The following SRSF5 variants were observed in gnomAD, a reference collection of about 807,000 sequenced individuals.
The protein encoded by SRSF5 is serine and arginine rich splicing factor 5, also known as serine/arginine-rich splicing factor 5.
In SRSF5, 5 loss-of-function variants were observed where a neutral mutation model predicts 34.0. That is an observed-to-expected ratio of 0.15 (90% CI 0.08 to 0.31). The LOEUF (loss-of-function observed/expected upper bound fraction) is 0.31. Ranked by LOEUF, SRSF5 falls within the 10% of genes least tolerant of loss-of-function variation. The pLI is 1.00. For missense variants in SRSF5, 223 were observed against 351.4 expected (o/e 0.63, Z 2.92); for synonymous variants, 164 against 117.7 (o/e 1.39, Z -2.55).
At chr14:69,770,334 C>A in intron 5 of SRSF5, 133 bp from the exon 6 acceptor site, 1 of 1,448,076 alleles carries the variant, frequency 6.9e-7, no homozygotes, top group South Asian at 1.5e-5. Context: ...TGATAGAATA[C>A]AAGTGTGGTA....
Position 69,770,804 on chromosome 14 carries a change from C to T in SRSF5, c.441-191C>T, listed in dbSNP as rs904008640. Reference sequence around the variant, plus strand: ...GCATCCCACGGTGCATAGGGAACCCCCTCAACAATGAATTGGCTCAAAGTA... The same window carrying T: ...GCATCCCACGGTGCATAGGGAACCCTCTCAACAATGAATTGGCTCAAAGTA... On this transcript the variant is annotated intron_variant, in intron 6 of 7. Coordinates refer to ENST00000557154, the MANE Select transcript of SRSF5 (RefSeq NM_001320214.2). The T allele has an allele frequency of 6.1e-6, 4 of 658,850 alleles. 1 individual carries two copies. The East Asian group carries it at 1.1e-4, about 18-fold the overall frequency. The allele number at this position is 658,850 out of a possible 1,614,324, so 40.8% of individuals were successfully genotyped here. A position where few individuals can be genotyped will look rare whatever the true frequency, so the allele number is the denominator to read the frequency against.
Position 69,771,669 on chromosome 14 carries a change from GC to G in SRSF5, c.*210del. The G allele has an allele frequency of 1.7e-6, 1 of 589,252 alleles. No homozygotes were observed. Among genetic ancestry groups the G allele is most frequent in the African/African-American group, 1.9e-5 (1 of 53,764 alleles). 36.5% of individuals were successfully genotyped at this position (589,252 alleles called of 1,614,324 possible). On this transcript the variant is annotated 3_prime_UTR_variant, in exon 8 of 8. Transcript: ENST00000557154. Reference sequence around the variant, plus strand: ...AATTGTATTAAATGTCTTTTGATAAGCCTTCTGCTCACATTTTTGTGAATGT... The same window carrying G: ...AATTGTATTAAATGTCTTTTGATAAGCTTCTGCTCACATTTTTGTGAATGT...
intron 5 of SRSF5, 78 bp from the exon 6 acceptor site, chr14:69,770,386 AGTC>A (rs948976665): frequency 6.4e-7 from 1 of 1,555,556 alleles, no homozygotes; most frequent in African/African-American, 1.4e-5. Context: ...CTCTTTCAGT[AGTC>A]TTGTTTTTTT....
chr14:69,767,563 C>T (rs1321062172), intron 1 of SRSF5: 1 of 455,892 alleles, frequency 2.2e-6, no homozygotes, highest in East Asian at 7.0e-5. Context: ...GCTGGCGATG[C>T]GGCTGGGCCT....
intron 1 of SRSF5, 82 bp from the exon 2 acceptor site, chr14:69,768,056 C>G (rs1882747430): frequency 3.4e-6 from 5 of 1,473,320 alleles, no homozygotes; most frequent in Non-Finnish European, 3.7e-6. Context: ...ACATTTTATG[C>G]CGTTGATGTT....
At chr14:69,768,710 TAGAGC>T in intron 3 of SRSF5, 36 bp downstream of exon 3, 1 of 1,610,908 alleles carries the variant, frequency 6.2e-7, no homozygotes, top group South Asian at 1.1e-5. Context: ...CCCTGGGACA[TAGAGC>T]AGACTGGGTC....
At chr14:69,769,612 T>C (rs568012651) in intron 5 of SRSF5, 3 of 1,535,088 alleles carry the variant, frequency 2.0e-6, no homozygotes, top group East Asian at 2.4e-5. Context: ...GCCAGTCAGC[T>C]CCTACAGTGA....
Position 69,771,817 on chromosome 14 carries a change from A to C in SRSF5, c.*356A>C, listed in dbSNP as rs1883248981. On this transcript the variant is annotated 3_prime_UTR_variant, in exon 8 of 8. Coordinates refer to ENST00000557154, the MANE Select transcript of SRSF5 (RefSeq NM_001320214.2). Reference sequence around the variant, plus strand: ...TTGGTTATAAAAATGTTAATTCAGAATTAGTTTAATGCCTTAATTAAACTA... The same window carrying C: ...TTGGTTATAAAAATGTTAATTCAGACTTAGTTTAATGCCTTAATTAAACTA... 4.7e-6 allele frequency: 1 copy of C among 212,676 alleles called. No individual in the cohort carries two copies. The highest frequency in any genetic ancestry group is 2.4e-5 in the African/African-American group (1 of 42,414). 13.2% of individuals were successfully genotyped at this position (212,676 alleles called of 1,614,324 possible). A position where few individuals can be genotyped will look rare whatever the true frequency, so the allele number is the denominator to read the frequency against.
Position 69,769,263 on chromosome 14 carries a change from TAC to T in SRSF5, c.366+14_366+15del, listed in dbSNP as rs775056379. 3.1e-6 allele frequency: 5 copies of T among 1,614,084 alleles called. No individual in the cohort carries two copies. Among genetic ancestry groups the T allele is most frequent in the South Asian group, 1.1e-5 (1 of 91,066 alleles). On this transcript the variant is annotated intron_variant, in intron 5 of 7. Transcript: ENST00000557154. ...GAGTCAGCTGGCAGGTTTGTTGAAA[TAC>T]AGTTTTGAGTTATTTTGATGTGGCT... is the stretch of plus-strand genomic sequence containing the variant.
chr14:69,767,324 C>T (rs901758593), intron 1 of SRSF5, 69 bp downstream of exon 1: 10 of 449,396 alleles, frequency 2.2e-5, no homozygotes, highest in South Asian at 1.6e-4. Context: ...AGATCGTGAG[C>T]GGCCGGGGCT....
Position 69,767,228 on chromosome 14 carries a change from C to G in SRSF5, c.-47C>G, listed in dbSNP as rs1347898002. On this transcript the variant is annotated 5_prime_UTR_variant, in exon 1 of 8. Transcript: ENST00000557154. ...TCGCAGACTACGGACCTGTCTGGGT[C>G]TCAGCCGCCAAAGACCCCGTCCGGT... The G allele has an allele frequency of 1.6e-5, 6 of 371,726 alleles. No homozygotes were observed. The highest frequency in any genetic ancestry group is 3.1e-5 in the Non-Finnish European group (6 of 192,700). 23.0% of individuals were successfully genotyped at this position (371,726 alleles called of 1,614,324 possible).
chr14:69,767,857 AG>A (rs912979901), intron 1 of SRSF5: 1 of 390,436 alleles, frequency 2.6e-6, no homozygotes, highest in African/African-American at 2.1e-5. Flanking sequence ...GGCAGATGGG[AG>A]GGGGCCGGAG....
At chr14:69,767,613 C>T in intron 1 of SRSF5, 1 of 448,962 alleles carries the variant, frequency 2.2e-6, no homozygotes, top group South Asian at 1.6e-5. Flanking sequence ...AAGGGGGTTG[C>T]TGGGAGGAGA....
chr14:69,771,593 T>C lies in SRSF5; in HGVS notation c.*132T>C. The stretch of plus-strand genomic sequence containing the variant: ...GGTGGGATTTGGAAGGGGGGTTGGG[T>C]TGGGCTGGATATCTTTGTAGATGTG... On this transcript the variant is annotated 3_prime_UTR_variant, in exon 8 of 8. Transcript: ENST00000557154. 1.0e-6 allele frequency: 1 copy of C among 956,824 alleles called. No homozygotes were observed. The highest frequency in any genetic ancestry group is 1.7e-5 in the South Asian group (1 of 60,200). 59.3% of individuals were successfully genotyped at this position (956,824 alleles called of 1,614,324 possible).
At chr14:69,771,167 A>T (rs1245054624) in intron 7 of SRSF5, 27 bp from the exon 8 acceptor site, 2 of 1,613,720 alleles carry the variant, frequency 1.2e-6, no homozygotes, top group African/African-American at 2.7e-5. Context: ...AGTCTTATCT[A>T]GGCTGATTTC....
chr14:69,771,739 C>A lies in SRSF5; in HGVS notation c.*278C>A. 1 of 311,026 alleles carries A rather than the reference C, an allele frequency of 3.2e-6. No individual in the cohort carries two copies. Among genetic ancestry groups the A allele is most frequent in the Non-Finnish European group, 5.9e-6 (1 of 170,078 alleles). 19.3% of individuals were successfully genotyped at this position (311,026 alleles called of 1,614,324 possible). A position where few individuals can be genotyped will look rare whatever the true frequency, so the allele number is the denominator to read the frequency against. On this transcript the variant is annotated 3_prime_UTR_variant, in exon 8 of 8. Coordinates refer to ENST00000557154, the MANE Select transcript of SRSF5 (RefSeq NM_001320214.2). ...GTATATTGACAGAGCTCTTTTATAACTAAAGCAAATTTAATTTTTTTGTAC... is the reference window on the plus strand; with the variant it reads ...GTATATTGACAGAGCTCTTTTATAAATAAAGCAAATTTAATTTTTTTGTAC...
rs1401349147 is a variant in SRSF5, at chr14:69,768,690, A to G, written c.197+16A>G. 1.9e-6 allele frequency: 3 copies of G among 1,613,666 alleles called. No individual in the cohort carries two copies. Among genetic ancestry groups the G allele is most frequent in the Non-Finnish European group, 2.5e-6 (3 of 1,179,632 alleles). The stretch of plus-strand genomic sequence containing the variant: ...GTAGTGAAAGGTGAGATTCCTGTGT[A>G]ACTAGATAACCCTGGGACATAGAGC... On this transcript the variant is annotated intron_variant, in intron 3 of 7. Coordinates refer to ENST00000557154, the MANE Select transcript of SRSF5 (RefSeq NM_001320214.2).
At chr14:69,769,751 C>T in intron 5 of SRSF5, 1 of 1,371,218 alleles carries the variant, frequency 7.3e-7, no homozygotes, top group East Asian at 2.7e-5. Context: ...GACCTGTCTT[C>T]CTGTAACGCT....
rs190190540 is a variant in SRSF5 at position 69,769,603 on chromosome 14, C to G, written c.366+352C>G. ...TCTTGGTTGGGCCTGGTTGACTTTGCCAGTCAGCTCCTACAGTGATCAGTT... is the reference window on the plus strand; with the variant it reads ...TCTTGGTTGGGCCTGGTTGACTTTGGCAGTCAGCTCCTACAGTGATCAGTT... On this transcript the variant is annotated intron_variant, in intron 5 of 7. Transcript: ENST00000557154. The G allele has an allele frequency of 3.3e-5, 50 of 1,535,330 alleles. No homozygotes were observed. In the African/African-American group the frequency reaches 5.5e-4, roughly 17 times the overall value.
Sources: allele counts gnomAD v4.1 joint callset, GRCh38; gene constraint gnomAD v4.1.1; transcripts MANE v1.5; gene names NCBI Gene and HGNC (gene_info 2026-07-23, HGNC 2026-07-21).